The following ABLIM3 variants were observed in gnomAD, a reference collection of about 807,000 sequenced individuals.
ABLIM3 encodes actin-binding LIM protein 3.
ABLIM3 carries 61 observed loss-of-function variants against 109.5 expected under a neutral mutation model. That is an observed-to-expected ratio of 0.56 (90% CI 0.45 to 0.69). ABLIM3 has a LOEUF of 0.69. ABLIM3 is among the 30% of genes least tolerant of loss of function. The probability of loss-of-function intolerance (pLI) is 0.00; values close to 1 mark genes in which losing one functional copy is unlikely to be tolerated. For synonymous variants in ABLIM3, 300 were observed against 324.8 expected (o/e 0.92, Z 0.82); for missense variants, 796 against 889.5 (o/e 0.89, Z 1.34).
Position 149,247,924 on chromosome 5 carries a change from A to G in ABLIM3, c.1694A>G (p.Asn565Ser), listed in dbSNP as rs368156451. Residue 565 changes from asparagine to serine, a missense_variant, in exon 18 of 24, where the codon AAT (asparagine) becomes AGT (serine). Coordinates refer to ENST00000309868, the MANE Select transcript of ABLIM3 (RefSeq NM_014945.5). ...ACAGCTGGCTATGAGATGTCCCTCA[A>G]TGGCTGTAAGCATGGCTCTGGAAGC... ...LHTAGYEMSL[N>S]GSPRSHYLAD... 5.6e-6 allele frequency: 9 copies of G among 1,613,884 alleles called. No homozygotes were observed. Among genetic ancestry groups the G allele is most frequent in the South Asian group, 1.1e-5 (1 of 91,048 alleles).
intron 2 of ABLIM3, among the ~76,000 whole-genome samples, chr5:149,171,914 A>G (rs1561550294): frequency 1.9e-5 from 1 of 53,336 alleles, no homozygotes; most frequent in Non-Finnish European, 3.7e-5. Flanking sequence ...ATGAGTTTCT[A>G]TTGTCCACTA....
At chr5:149,179,699 G>C (rs541978321) in intron 2 of ABLIM3, among the ~76,000 whole-genome samples, 1 of 151,546 alleles carries the variant, frequency 6.6e-6, no homozygotes, top group Non-Finnish European at 1.5e-5. Flanking sequence ...TGTTGTTGTT[G>C]TTGTTGTTTT....
At chr5:149,192,894 AGAG>A (rs1019641082) in intron 3 of ABLIM3, among the ~76,000 whole-genome samples, 3 of 152,182 alleles carry the variant, frequency 2.0e-5, no homozygotes, top group African/African-American at 7.2e-5. Flanking sequence ...AATGTAAAAG[AGAG>A]GAGAACAAGT....
intron 23 of ABLIM3, among the ~76,000 whole-genome samples, chr5:149,257,212 A>G (rs960481505): frequency 5.3e-5 from 8 of 152,106 alleles, no homozygotes; most frequent in African/African-American, 1.9e-4. Context: ...AGGCTGAGGC[A>G]GGAGAATCAC....
intron 7 of ABLIM3, among the ~76,000 whole-genome samples, chr5:149,215,604 C>T (rs1461300632): frequency 3.3e-5 from 5 of 152,040 alleles, no homozygotes; most frequent in Non-Finnish European, 7.4e-5. Context: ...GGAAGGAACC[C>T]ATTAGCATCA....
At chr5:149,215,660 C>T (rs1760006097) in intron 7 of ABLIM3, among the ~76,000 whole-genome samples, 1 of 152,180 alleles carries the variant, frequency 6.6e-6, no homozygotes, top group Admixed American at 6.5e-5. Flanking sequence ...CCCCTAACAT[C>T]CATCAGTTTC....
At chr5:149,217,381 C>T (rs1352225653) in intron 8 of ABLIM3, 1 of 334,578 alleles carries the variant, frequency 3.0e-6, no homozygotes, top group Non-Finnish European at 5.6e-6. Context: ...GGTCAGAGAA[C>T]CTCAGAGGGA....
intron 11 of ABLIM3, among the ~76,000 whole-genome samples, chr5:149,237,825 CCATCTGGAGATGGGAA>C (rs1752375015): frequency 6.6e-6 from 1 of 152,210 alleles, no homozygotes; most frequent in Non-Finnish European, 1.5e-5. Context: ...TACATTTCCA[CCATCTGGAGATGGGAA>C]GCAGCACCCC....
chr5:149,247,307 G>A (rs1282934767), intron 17 of ABLIM3, among the ~76,000 whole-genome samples: 2 of 152,208 alleles, frequency 1.3e-5, no homozygotes, highest in African/African-American at 2.4e-5. Flanking sequence ...AGGGGAATGG[G>A]GAGTGAGTGC....
chr5:149,247,828 C>T lies in ABLIM3; in HGVS notation c.1598C>T (p.Ala533Val), dbSNP rs747663300. ...CTGATTCTGAAGGAAGAAATGAAGG[C>T]CCGGTCGAGCTCCTATGCAGATCCC... ...GRLILKEEMK[A>V]RSSSYADPWT... The change falls in exon 18 of 24, where the codon GCC (alanine) becomes GTC (valine). Residue 533 changes from alanine (A) to valine (V), a missense_variant. Transcript: ENST00000309868. 1.2e-6 allele frequency: 2 copies of T among 1,614,266 alleles called. No homozygotes were observed. The highest frequency in any genetic ancestry group is 1.7e-6 in the Non-Finnish European group (2 of 1,180,054).
At chr5:149,229,973 G>A (rs181479911) in intron 8 of ABLIM3, among the ~76,000 whole-genome samples, 3 of 152,280 alleles carry the variant, frequency 2.0e-5, no homozygotes, top group South Asian at 2.1e-4. Flanking sequence ...GCTCTCAAGC[G>A]GAATATACAC....
intron 2 of ABLIM3, among the ~76,000 whole-genome samples, chr5:149,149,987 G>T (rs1753281027): frequency 6.6e-6 from 1 of 152,182 alleles, no homozygotes. Context: ...AGCCAGCCTA[G>T]TTCCAAGGAA....
chr5:149,259,691 C>T lies in ABLIM3; in HGVS notation c.*1287C>T. On this transcript the variant is annotated 3_prime_UTR_variant, in exon 24 of 24. Coordinates refer to ENST00000309868, the MANE Select transcript of ABLIM3 (RefSeq NM_014945.5). ...GAGAAAGCTTAACCTCTCTTCTCCT[C>T]TCCAAACCTTTCACCTTGAATGGGT... 1 of 1,202,032 alleles carries T rather than the reference C, an allele frequency of 8.3e-7. No homozygotes were observed. Among genetic ancestry groups the T allele is most frequent in the Non-Finnish European group, 1.2e-6 (1 of 846,606 alleles). 74.5% of individuals were successfully genotyped at this position (1,202,032 alleles called of 1,614,324 possible). A position where few individuals can be genotyped will look rare whatever the true frequency, so the allele number is the denominator to read the frequency against.
intron 16 of ABLIM3, among the ~76,000 whole-genome samples, chr5:149,246,032 G>A (rs1343739281): frequency 2.0e-5 from 3 of 152,124 alleles, no homozygotes; most frequent in Non-Finnish European, 4.4e-5. Flanking sequence ...GCATGATAGT[G>A]TATGCCTGTA....
intron 16 of ABLIM3, among the ~76,000 whole-genome samples, chr5:149,245,752 C>T (rs531724317): frequency 6.6e-6 from 1 of 152,036 alleles, no homozygotes; most frequent in Non-Finnish European, 1.5e-5. Flanking sequence ...ATCATACAAC[C>T]CAAGCTGTTC....
At chr5:149,182,605 T>C in intron 2 of ABLIM3, among the ~76,000 whole-genome samples, 1 of 152,074 alleles carries the variant, frequency 6.6e-6, no homozygotes, top group East Asian at 1.9e-4. Flanking sequence ...AGGAAAAGGG[T>C]ATCTAGAAAA....
rs1758176139 is a variant in ABLIM3 at position 149,198,370 on chromosome 5, C to T, written c.303C>T (p.Tyr101=). 1.9e-6 allele frequency: 3 copies of T among 1,613,348 alleles called. No individual in the cohort carries two copies. The highest frequency in any genetic ancestry group is 2.5e-6 in the Non-Finnish European group (3 of 1,179,564). Reference sequence around the variant, plus strand: ...TCATCTCGGCCCTGGGCCGCACTTACCACCCCAAGTGCTTCGTGTGCAGCT... The same window carrying T: ...TCATCTCGGCCCTGGGCCGCACTTATCACCCCAAGTGCTTCGTGTGCAGCT... ...GEVISALGRT[Y]HPKCFVCSLC... The change falls in exon 4 of 24, where the codon TAC becomes TAT. Residue 101 remains tyrosine (Y), a synonymous_variant. Coordinates refer to ENST00000309868, the MANE Select transcript of ABLIM3 (RefSeq NM_014945.5). This position sits in a 1 kb window ranked among gnomAD's most constrained non-coding sequence, Gnocchi z 4.2.
rs779468104 is a variant in ABLIM3, at chr5:149,237,613, C to T, written c.1044+10C>T. On this transcript the variant is annotated intron_variant, in intron 11 of 23. Transcript: ENST00000309868. ...ATGTGGCTATGGAGAGGTATCGCAT[C>T]TTGCCCTTCTCTCTGGGGCTATTGT... 1.9e-6 allele frequency: 3 copies of T among 1,613,860 alleles called. No homozygotes were observed. The highest frequency in any genetic ancestry group is 3.3e-5 in the Admixed American group (2 of 60,012).
intron 5 of ABLIM3, among the ~76,000 whole-genome samples, chr5:149,203,647 TAA>T (rs1038096295): frequency 4.1e-4 from 62 of 151,886 alleles, no homozygotes; most frequent in African/African-American, 1.4e-3. Context: ...AACGCTACCA[TAA>T]TCACCACTAT....
Sources: allele counts gnomAD v4.1 joint callset (sites outside exome capture counted in the v4.1 genomes callset), GRCh38; gene constraint gnomAD v4.1.1; non-coding constraint Gnocchi (gnomAD v3.1); transcripts MANE v1.5; gene names NCBI Gene and HGNC (gene_info 2026-07-23, HGNC 2026-07-21).